RBFOX1: variants seen among roughly 807,000 people sequenced by gnomAD.
RBFOX1 encodes the protein RNA binding protein fox-1 homolog 1.
A neutral mutation model predicts 57.7 loss-of-function variants in RBFOX1; 8 were observed. The observed-to-expected ratio is 0.14, with a 90% confidence interval of 0.08 to 0.25. The LOEUF (loss-of-function observed/expected upper bound fraction) is 0.25. Among genes scored for constraint, RBFOX1 ranks in the 10% least tolerant of loss-of-function variants. The pLI, the probability that RBFOX1 is intolerant of heterozygous loss-of-function variation, is 1.00. For missense variants in RBFOX1, 611 were observed against 548.5 expected (o/e 1.11, Z -1.14); for synonymous variants, 326 against 222.4 (o/e 1.47, Z -4.15).
chr16:5,567,946 G>T (rs952371126), intron 2 of RBFOX1, among the ~76,000 whole-genome samples: 1 of 152,188 alleles, frequency 6.6e-6, no homozygotes, highest in Non-Finnish European at 1.5e-5. Context: ...GCACAGTAGT[G>T]GGGCAGAGGG....
intron 3 of RBFOX1, among the ~76,000 whole-genome samples, chr16:6,957,473 G>T (rs963416160): frequency 6.6e-6 from 1 of 152,296 alleles, no homozygotes; most frequent in East Asian, 1.9e-4. Flanking sequence ...AGACCATATA[G>T]GGTAACTTCC....
intron 2 of RBFOX1, among the ~76,000 whole-genome samples, chr16:5,569,934 C>G (rs975339621): frequency 2.0e-5 from 3 of 152,140 alleles, no homozygotes; most frequent in African/African-American, 4.8e-5. Flanking sequence ...TTGCAGATAT[C>G]ATAAAGATTA....
intron 14 of RBFOX1, among the ~76,000 whole-genome samples, chr16:7,696,869 A>G (rs2078963415): frequency 6.6e-6 from 1 of 152,164 alleles, no homozygotes; most frequent in African/African-American, 2.4e-5. Context: ...GTGACCCATG[A>G]AACATACAGC....
intron 6 of RBFOX1, among the ~76,000 whole-genome samples, chr16:7,585,035 T>C (rs1207410532): frequency 1.3e-5 from 2 of 152,236 alleles, no homozygotes; most frequent in Non-Finnish European, 2.9e-5. Context: ...GCCTAGAGAA[T>C]GTTCCATAGA....
intron 2 of RBFOX1, among the ~76,000 whole-genome samples, chr16:6,421,641 T>C (rs1344002010): frequency 6.6e-6 from 1 of 152,154 alleles, no homozygotes. Flanking sequence ...TCACCACGAA[T>C]GACACTGGCA....
chr16:7,025,873 G>C (rs141342933), intron 3 of RBFOX1, among the ~76,000 whole-genome samples: 2 of 152,136 alleles, frequency 1.3e-5, no homozygotes, highest in African/African-American at 4.8e-5. Flanking sequence ...CAACCAGGAT[G>C]AGCTGCTTAA....
intron 5 of RBFOX1, among the ~76,000 whole-genome samples, chr16:7,533,317 A>G (rs2080605226): frequency 6.6e-6 from 1 of 152,234 alleles, no homozygotes. Context: ...TGTTTGTGTA[A>G]TGCCAGAATT....
chr16:7,363,266 T>C (rs1368500274), intron 4 of RBFOX1, among the ~76,000 whole-genome samples: 1 of 152,110 alleles, frequency 6.6e-6, no homozygotes, highest in African/African-American at 2.4e-5. Flanking sequence ...GGGGAAAACC[T>C]CCAGATAAAC....
chr16:6,150,269 C>G (rs565809248), intron 1 of RBFOX1, among the ~76,000 whole-genome samples: 1 of 152,010 alleles, frequency 6.6e-6, no homozygotes, highest in African/African-American at 2.4e-5. Context: ...AACAGAATCC[C>G]CAGGAAGTTT....
In RBFOX1 at chr16:7,250,382, C is replaced by T. The variant is rs181046177; in HGVS notation, c.27+198284C>T. 1.7e-3 allele frequency among the ~76,000 whole-genome samples: 259 copies of T among 152,246 alleles called. 1 individual carries two copies. Among genetic ancestry groups the T allele is most frequent in the African/African-American group, 6.1e-3 (255 of 41,526 alleles). ...GACACAATGATTAAATGCTTTAAAG[C>T]CAGCTTAATGATATAAAGCCATTTC... On this transcript the variant is annotated intron_variant, in intron 4 of 15. Transcript: ENST00000550418.
chr16:5,424,528 T>C (rs1163466515), intron 1 of RBFOX1, among the ~76,000 whole-genome samples: 1 of 35,784 alleles, frequency 2.8e-5, no homozygotes, highest in Non-Finnish European at 7.8e-5. Context: ...GGCGTTTTAC[T>C]TTTTTTTTTT....
At chr16:5,602,446 T>C (rs748619083), downstream of RBFOX1, among the ~76,000 whole-genome samples, 1 of 152,204 alleles carries the variant, frequency 6.6e-6, no homozygotes, top group Non-Finnish European at 1.5e-5. Context: ...ATTGTGTATA[T>C]CCATAAAGTC....
chr16:5,735,256 C>T lies in RBFOX1; in HGVS notation c.319-132047C>T, dbSNP rs145265953. Among the ~76,000 whole-genome samples the T allele has an allele frequency of 8.3e-4, 126 of 152,286 alleles. 1 individual carries two copies. The highest frequency in any genetic ancestry group is 2.6e-3 in the African/African-American group (108 of 41,566). ...GGACCCTCCATGGGCACCAAGGAGA[C>T]GTCTTCAAGCCACTCTGCATTTCAT... is the stretch of plus-strand genomic sequence containing the variant. On this transcript the variant is annotated intron_variant, in intron 3 of 19. Coordinates refer to the RBFOX1 transcript ENST00000641259.
rs148208244 is a variant in RBFOX1, at chr16:5,727,163, A to G, written c.318+128202A>G. On this transcript the variant is annotated intron_variant, in intron 3 of 19. Coordinates refer to the RBFOX1 transcript ENST00000641259. ...GTGCCTGTAATCCCAGTTACTCAGG[A>G]AGCTGAGGCAGGAGAATTGCTTGAA... Among the ~76,000 whole-genome samples the G allele has an allele frequency of 4.7e-3, 716 of 152,318 alleles. 4 individuals carry two copies. Among genetic ancestry groups the G allele is most frequent in the African/African-American group, 0.016 (676 of 41,566 alleles).
At chr16:5,738,574 C>T (rs576384047) in intron 3 of RBFOX1, among the ~76,000 whole-genome samples, 1 of 141,694 alleles carries the variant, frequency 7.1e-6, no homozygotes, top group South Asian at 2.4e-4. Flanking sequence ...GTGAAGGTTG[C>T]CATGTGCCGA....
At chr16:6,994,770 C>A (rs901276208) in intron 3 of RBFOX1, among the ~76,000 whole-genome samples, 4 of 152,154 alleles carry the variant, frequency 2.6e-5, no homozygotes, top group African/African-American at 4.8e-5. Flanking sequence ...ATGCTTGAAA[C>A]ATTTATATAT....
chr16:5,922,993 G>A (rs2058857183), intron 4 of RBFOX1, among the ~76,000 whole-genome samples: 1 of 152,194 alleles, frequency 6.6e-6, no homozygotes, highest in Non-Finnish European at 1.5e-5. Context: ...GACAGAGAAA[G>A]CCTCAGCCAG....
chr16:7,009,350 C>A (rs1161347813), intron 3 of RBFOX1, among the ~76,000 whole-genome samples: 5 of 150,040 alleles, frequency 3.3e-5, no homozygotes, highest in African/African-American at 9.8e-5. Flanking sequence ...GACCCTGCGC[C>A]AAGCAGTCTC....
At chr16:7,358,429 G>GT (rs370490641) in intron 4 of RBFOX1, among the ~76,000 whole-genome samples, 161 of 150,616 alleles carry the variant, frequency 1.1e-3, no homozygotes, top group South Asian at 3.0e-3. Context: ...TTTGTTTTTT[G>GT]TTTTTTTTTG....
Sources: allele counts gnomAD v4.1 joint callset (sites outside exome capture counted in the v4.1 genomes callset), GRCh38; gene constraint gnomAD v4.1.1; transcripts MANE v1.5; gene names NCBI Gene and HGNC (gene_info 2026-07-23, HGNC 2026-07-21).